FOXR2: variants seen among roughly 807,000 people sequenced by gnomAD.
FOXR2 encodes the protein forkhead box R2.
For synonymous variants in FOXR2, 109 were observed against 84.1 expected (o/e 1.30, Z -1.62); for missense variants, 234 against 227.1 (o/e 1.03, Z -0.20).
rs1465846922 is a variant in FOXR2 at position 55,624,266 on chromosome X, C to G, written c.555C>G (p.Asn185Lys). Residue 185 changes from asparagine to lysine, a missense_variant, in exon 1 of 1, where the codon AAC becomes AAG. Coordinates refer to ENST00000339140, the MANE Select transcript of FOXR2 (RefSeq NM_198451.4). The part of the protein sequence containing the change: ...YQSQKLWQIN[N>K]QEKSWQRPPL... ...GCCAGAAACTATGGCAAATCAACAA[C>G]CAAGAGAAGTCCTGGCAAAGGCCCC... 2.5e-6 allele frequency: 3 copies of G among 1,212,098 alleles called. No individual in the cohort carries two copies.
rs779751216 is a variant in FOXR2 at position 55,623,731 on chromosome X, A to T, written c.20A>T (p.Asp7Val). MDLKLK[D>V]CEFWYSLHGQ... ...GTAAAGATGGACTTAAAACTAAAAG[A>T]CTGTGAATTTTGGTATAGTCTCCAT... The change falls in exon 1 of 1, where the codon GAC (aspartate) becomes GTC (valine). Residue 7 changes from aspartate (D) to valine (V), a missense_variant. Coordinates refer to ENST00000339140, the MANE Select transcript of FOXR2 (RefSeq NM_198451.4). 2.3e-5 allele frequency: 28 copies of T among 1,205,588 alleles called. No homozygotes were observed. The highest frequency in any genetic ancestry group is 2.9e-5 in the Non-Finnish European group (26 of 891,698).
rs1024992070 is a variant in FOXR2 at position 55,625,738 on chromosome X, C to T, written c.*1091C>T. ...GCCAAGAGACATCAGTGGAGTTTTG[C>T]TAAAAAACAAAAAAAGAAACAAGCC... On this transcript the variant is annotated 3_prime_UTR_variant, in exon 1 of 1. Coordinates refer to ENST00000339140, the MANE Select transcript of FOXR2 (RefSeq NM_198451.4). Among the ~76,000 whole-genome samples, 5 of 110,447 alleles carry T rather than the reference C, an allele frequency of 4.5e-5. No individual in the cohort carries two copies. Among genetic ancestry groups the T allele is most frequent in the Admixed American group, 2.9e-4 (3 of 10,316 alleles).
rs1366774250 is a variant in FOXR2 at position 55,624,379 on chromosome X, G to T, written c.668G>T (p.Arg223Leu). 1.2e-5 allele frequency: 14 copies of T among 1,211,977 alleles called. No individual in the cohort carries two copies. The highest frequency in any genetic ancestry group is 1.6e-5 in the Non-Finnish European group (14 of 895,534). The change falls in exon 1 of 1, where the codon CGA becomes CTA. Residue 223 changes from arginine (R) to leucine (L), a missense_variant. Arg to Leu is a moderately radical substitution (Grantham distance 102, BLOSUM62 -2). Transcript: ENST00000339140. ...LSVQEIYNFT[R>L]QHFPFFWTAP... ...GTGCAGGAGATCTACAATTTCACCC[G>T]ACAGCATTTCCCCTTTTTCTGGACA...
chrX:55,625,017 G>C lies in FOXR2; in HGVS notation c.*370G>C, dbSNP rs1938241116. 6.3e-6 allele frequency: 1 copy of C among 157,826 alleles called. No individual in the cohort carries two copies. Among genetic ancestry groups the C allele is most frequent in the Non-Finnish European group, 1.3e-5 (1 of 74,508 alleles). 13.0% of individuals were successfully genotyped at this position (157,826 alleles called of 1,213,427 possible). ...GAACAGTGGAATATAAAGCATAAAA[G>C]GCAGGATGGAGCCGAGCCATGGAGA... On this transcript the variant is annotated 3_prime_UTR_variant, in exon 1 of 1. Transcript: ENST00000339140.
chrX:55,625,646 A>C lies in FOXR2; in HGVS notation c.*999A>C, dbSNP rs1226082765. On this transcript the variant is annotated 3_prime_UTR_variant, in exon 1 of 1. Coordinates refer to ENST00000339140, the MANE Select transcript of FOXR2 (RefSeq NM_198451.4). ...ATGAAGTTCAGTGTGACTTAACTAC[A>C]TGAGGACCGTGAGTGACTAAGAGAA... Among the ~76,000 whole-genome samples the C allele has an allele frequency of 9.0e-6, 1 of 111,482 alleles. No individual in the cohort carries two copies. The highest frequency in any genetic ancestry group is 1.9e-5 in the Non-Finnish European group (1 of 53,089).
rs1170661600 is a variant in FOXR2 at position 55,625,811 on chromosome X, T to G, written c.*1164T>G. 8.9e-6 allele frequency among the ~76,000 whole-genome samples: 1 copy of G among 112,031 alleles called. No individual in the cohort carries two copies. The highest frequency in any genetic ancestry group is 1.9e-5 in the Non-Finnish European group (1 of 53,212). On this transcript the variant is annotated 3_prime_UTR_variant, in exon 1 of 1. Transcript: ENST00000339140. Reference sequence around the variant, plus strand: ...GCATTTGTTTTTCTAATTTCAAAATTATCTTTAACATCTTTTCTATGCAAA... The same window carrying G: ...GCATTTGTTTTTCTAATTTCAAAATGATCTTTAACATCTTTTCTATGCAAA...
rs768494127 is a variant in FOXR2, at chrX:55,625,935, A to G, written c.*1288A>G. ...ATTTTTAGGTATAAATTTAGTTGCAAAACCTTCATAATGGGGGTACAAAAA... is the reference window on the plus strand; with the variant it reads ...ATTTTTAGGTATAAATTTAGTTGCAGAACCTTCATAATGGGGGTACAAAAA... On this transcript the variant is annotated 3_prime_UTR_variant, in exon 1 of 1. Coordinates refer to ENST00000339140, the MANE Select transcript of FOXR2 (RefSeq NM_198451.4). Among the ~76,000 whole-genome samples, 34 of 111,630 alleles carry G rather than the reference A, an allele frequency of 3.0e-4. No individual in the cohort carries two copies. Among genetic ancestry groups the G allele is most frequent in the African/African-American group, 1.1e-3 (34 of 30,819 alleles).
At position 55,623,466 on chromosome X, in the gene FOXR2, C is replaced by A; in HGVS notation, c.-246C>A. On this transcript the variant is annotated 5_prime_UTR_variant, in exon 1 of 1. An upstream open reading frame in the 5' UTR gains an earlier in-frame stop. Coordinates refer to ENST00000339140, the MANE Select transcript of FOXR2 (RefSeq NM_198451.4). ...AATTCCACCTAAAAATGTTTTTCTG[C>A]TCAAAAGCTCTTTTTTATTACTTCC... The A allele has an allele frequency of 3.3e-6, 1 of 301,645 alleles. No homozygotes were observed. 24.9% of individuals were successfully genotyped at this position (301,645 alleles called of 1,213,427 possible).
chrX:55,624,456 A>G lies in FOXR2; in HGVS notation c.745A>G (p.Ser249Gly). The G allele has an allele frequency of 6.6e-6, 8 of 1,211,800 alleles. No individual in the cohort carries two copies. Among genetic ancestry groups the G allele is most frequent in the Non-Finnish European group, 8.9e-6 (8 of 895,472 alleles). ...TIHYNLCFLD[S>G]FEKVPDSLKD... ...TCATTACAACCTCTGCTTCCTGGAC[A>G]GCTTTGAGAAGGTGCCAGACAGCCT... Residue 249 changes from serine (S) to glycine (G), a missense_variant, in exon 1 of 1, where the codon AGC (serine) becomes GGC (glycine). Physicochemically the swap from Ser to Gly is moderately conservative, Grantham distance 56. Transcript: ENST00000339140.
rs2032317656 is a variant in FOXR2 at position 55,623,990 on chromosome X, G to A, written c.279G>A (p.Gln93=). 1.7e-5 allele frequency: 20 copies of A among 1,211,704 alleles called. No individual in the cohort carries two copies. Among genetic ancestry groups the A allele is most frequent in the Non-Finnish European group, 2.1e-5 (19 of 895,502 alleles). Residue 93 remains glutamine, a synonymous_variant, in exon 1 of 1, where the codon CAG becomes CAA. Transcript: ENST00000339140. ...DPNILCPLGS[Q]EAPKPSGKED... ...ATATCCTGTGCCCCCTTGGCAGCCA[G>A]GAGGCCCCAAAGCCCAGTGGAAAAG...
At position 55,625,901 on chromosome X, in the gene FOXR2, A is replaced by G. The variant is rs2032337583; in HGVS notation, c.*1254A>G. ...TCAATGATATTAACATATATCCAGG[A>G]GAAAATAGATTTTTAGGTATAAATT... is the stretch of plus-strand genomic sequence containing the variant. On this transcript the variant is annotated 3_prime_UTR_variant, in exon 1 of 1. Coordinates refer to ENST00000339140, the MANE Select transcript of FOXR2 (RefSeq NM_198451.4). 8.9e-6 allele frequency among the ~76,000 whole-genome samples: 1 copy of G among 111,902 alleles called. No individual in the cohort carries two copies. Among genetic ancestry groups the G allele is most frequent in the African/African-American group, 3.2e-5 (1 of 30,796 alleles).
chrX:55,625,613 G>A lies in FOXR2; in HGVS notation c.*966G>A, dbSNP rs1019227682. ...GAACAAAGTGGATGGAGTGTTTGGGGGAATGGCATGAAGTTCAGTGTGACT... is the reference window on the plus strand; with the variant it reads ...GAACAAAGTGGATGGAGTGTTTGGGAGAATGGCATGAAGTTCAGTGTGACT... On this transcript the variant is annotated 3_prime_UTR_variant, in exon 1 of 1. Coordinates refer to ENST00000339140, the MANE Select transcript of FOXR2 (RefSeq NM_198451.4). Among the ~76,000 whole-genome samples the A allele has an allele frequency of 9.0e-6, 1 of 111,251 alleles. No individual in the cohort carries two copies. Among genetic ancestry groups the A allele is most frequent in the Non-Finnish European group, 1.9e-5 (1 of 53,056 alleles).
rs750738164 is a variant in FOXR2 at position 55,624,037 on chromosome X, C to T, written c.326C>T (p.Pro109Leu). ...AAAGAGGATCTGACAAACATTTCTC[C>T]TTTCCCTCAGCCCCCACAAAAAGAC... ...SGKEDLTNIS[P>L]FPQPPQKDEG... Residue 109 changes from proline (P) to leucine (L), a missense_variant, in exon 1 of 1, where the codon CCT becomes CTT. Pro to Leu is a moderately conservative substitution (Grantham distance 98). Coordinates refer to ENST00000339140, the MANE Select transcript of FOXR2 (RefSeq NM_198451.4). The T allele has an allele frequency of 2.5e-6, 3 of 1,209,880 alleles. No homozygotes were observed. The highest frequency in any genetic ancestry group is 3.5e-5 in the African/African-American group (2 of 57,186).
chrX:55,624,618 G>C lies in FOXR2; in HGVS notation c.907G>C (p.Glu303Gln), dbSNP rs372245146. Residue 303 changes from glutamate to glutamine, a missense_variant, in exon 1 of 1, where the codon GAG (glutamate) becomes CAG (glutamine). Coordinates refer to ENST00000339140, the MANE Select transcript of FOXR2 (RefSeq NM_198451.4). ...AATCCAAGAGTGCATGAGTCAGCCA[G>C]AGTTGTTGACCTCTCTCTTTGATCT... ...ERIQECMSQP[E>Q]LLTSLFDL is the part of the protein sequence containing the mutation. 2 of 1,207,823 alleles carry C rather than the reference G, an allele frequency of 1.7e-6. No individual in the cohort carries two copies.
chrX:55,625,822 T>C lies in FOXR2; in HGVS notation c.*1175T>C, dbSNP rs1253390726. On this transcript the variant is annotated 3_prime_UTR_variant, in exon 1 of 1. Coordinates refer to ENST00000339140, the MANE Select transcript of FOXR2 (RefSeq NM_198451.4). ...TCTAATTTCAAAATTATCTTTAACA[T>C]CTTTTCTATGCAAATAAACTTTTGT... is the stretch of plus-strand genomic sequence containing the variant. Among the ~76,000 whole-genome samples the C allele has an allele frequency of 8.9e-6, 1 of 112,115 alleles. No individual in the cohort carries two copies. The highest frequency in any genetic ancestry group is 9.5e-5 in the Admixed American group (1 of 10,544).
At position 55,625,927 on chromosome X, in the gene FOXR2, T is replaced by C. The variant is rs149319984; in HGVS notation, c.*1280T>C. ...GAAAATAGATTTTTAGGTATAAATTTAGTTGCAAAACCTTCATAATGGGGG... is the reference window on the plus strand; with the variant it reads ...GAAAATAGATTTTTAGGTATAAATTCAGTTGCAAAACCTTCATAATGGGGG... On this transcript the variant is annotated 3_prime_UTR_variant, in exon 1 of 1. Transcript: ENST00000339140. Among the ~76,000 whole-genome samples, 1,115 of 111,630 alleles carry C rather than the reference T, an allele frequency of 1.0e-2. 7 individuals carry two copies. The highest frequency in any genetic ancestry group is 0.034 in the African/African-American group (1,051 of 30,752).
At position 55,624,627 on chromosome X, in the gene FOXR2, A is replaced by G. The variant is rs1156849051; in HGVS notation, c.916A>G (p.Thr306Ala). 1.7e-6 allele frequency: 2 copies of G among 1,202,425 alleles called. No individual in the cohort carries two copies. Among genetic ancestry groups the G allele is most frequent in the Admixed American group, 4.4e-5 (2 of 45,692 alleles). The change falls in exon 1 of 1, where the codon ACC becomes GCC. Residue 306 changes from threonine to alanine, a missense_variant. Transcript: ENST00000339140. ...QECMSQPELL[T>A]SLFDL The stretch of plus-strand genomic sequence containing the variant: ...GTGCATGAGTCAGCCAGAGTTGTTG[A>G]CCTCTCTCTTTGATCTTTGAAATGC...
chrX:55,624,453 G>A lies in FOXR2; in HGVS notation c.742G>A (p.Asp248Asn), dbSNP rs766190976. The A allele has an allele frequency of 2.5e-6, 3 of 1,210,438 alleles. No homozygotes were observed. Among genetic ancestry groups the A allele is most frequent in the Non-Finnish European group, 2.2e-6 (2 of 895,319 alleles). Residue 248 changes from aspartate to asparagine, a missense_variant, in exon 1 of 1, where the codon GAC (aspartate) becomes AAC (asparagine). By Grantham distance (23) the Asp-to-Asn change is conservative. Transcript: ENST00000339140. Reference sequence around the variant, plus strand: ...CATTCATTACAACCTCTGCTTCCTGGACAGCTTTGAGAAGGTGCCAGACAG... The same window carrying A: ...CATTCATTACAACCTCTGCTTCCTGAACAGCTTTGAGAAGGTGCCAGACAG... Reference protein sequence around the residue: ...STIHYNLCFLDSFEKVPDSLK... With the variant: ...STIHYNLCFLNSFEKVPDSLK...
chrX:55,624,368 C>A lies in FOXR2; in HGVS notation c.657C>A (p.Tyr219Ter). 1 of 1,212,223 alleles carries A rather than the reference C, an allele frequency of 8.2e-7. No individual in the cohort carries two copies. Among genetic ancestry groups the A allele is most frequent in the Non-Finnish European group, 1.1e-6 (1 of 895,599 alleles). The part of the protein sequence containing the change: ...PHCGLSVQEI[Y>*]NFTRQHFPFF... ...GTGGCCTCAGTGTGCAGGAGATCTA[C>A]AATTTCACCCGACAGCATTTCCCCT... The change falls in exon 1 of 1, where the codon TAC becomes TAA. Residue 219 changes from tyrosine (Y) to a stop codon, truncating the protein, a stop_gained. Coordinates refer to ENST00000339140, the MANE Select transcript of FOXR2 (RefSeq NM_198451.4). LOFTEE classifies it low-confidence loss of function (END_TRUNC).
Sources: allele counts gnomAD v4.1 joint callset (sites outside exome capture counted in the v4.1 genomes callset), GRCh38; gene constraint gnomAD v4.1.1; transcripts MANE v1.5; gene names NCBI Gene and HGNC (gene_info 2026-07-23, HGNC 2026-07-21).